Variants in KIFC3 observed in about 807,000 individuals in gnomAD.
The protein encoded by KIFC3 is kinesin family member C3, also known as kinesin-like protein KIFC3.
A neutral mutation model predicts 101.8 loss-of-function variants in KIFC3; 60 were observed. The observed-to-expected ratio is 0.59, with a 90% CI of 0.48 to 0.73. The LOEUF is 0.73. Among genes scored for constraint, KIFC3 ranks in the 30% least tolerant of loss-of-function variants. The pLI is 0.00. For missense variants in KIFC3, 966 were observed against 1,137.1 expected (o/e 0.85, Z 2.16); for synonymous variants, 476 against 482.7 (o/e 0.99, Z 0.18).
intron 13 of KIFC3, among the ~76,000 whole-genome samples, 174 bp from the exon 14 acceptor site, chr16:57,761,710 G>C (rs2049878917): frequency 6.6e-6 from 1 of 152,034 alleles, no homozygotes; most frequent in African/African-American, 2.4e-5. Flanking sequence ...AAGACGTGGA[G>C]ATCTCACTCC....
chr16:57,816,361 C>A, intron 1 of KIFC3: 1 of 897,962 alleles, frequency 1.1e-6, no homozygotes, highest in Non-Finnish European at 1.6e-6. Flanking sequence ...CCCCTCCTGG[C>A]TTCCTCTTGA....
chr16:57,819,133 G>A (rs143961309), intron 1 of KIFC3, among the ~76,000 whole-genome samples: 27 of 151,904 alleles, frequency 1.8e-4, no homozygotes, highest in Non-Finnish European at 2.2e-4. Context: ...GCTCCAGAAC[G>A]GTCCAGTGTC....
intron 1 of KIFC3, among the ~76,000 whole-genome samples, chr16:57,853,497 A>T (rs1178533953): frequency 6.6e-6 from 1 of 152,194 alleles, no homozygotes; most frequent in Non-Finnish European, 1.5e-5. Flanking sequence ...ACAGAAACAA[A>T]ACATAGAGGG....
intron 1 of KIFC3, among the ~76,000 whole-genome samples, chr16:57,830,369 C>T (rs1170446261): frequency 6.6e-6 from 1 of 151,370 alleles, no homozygotes; most frequent in African/African-American, 2.4e-5. Flanking sequence ...TCTAGAGTAG[C>T]TGAGATTACA....
chr16:57,786,810 C>A (rs539837842), intron 3 of KIFC3, among the ~76,000 whole-genome samples: 1 of 152,152 alleles, frequency 6.6e-6, no homozygotes, highest in Non-Finnish European at 1.5e-5. Flanking sequence ...CAAACGGACT[C>A]AGCTGGACAG....
chr16:57,797,629 C>G (rs2054442692), intron 2 of KIFC3: 1 of 1,020,768 alleles, frequency 9.8e-7, no homozygotes. Context: ...GGTCCACTCC[C>G]AACGCCGTCC....
chr16:57,769,544 T>C lies in KIFC3; in HGVS notation c.1218+51A>G. 1 of 1,565,662 alleles carries C rather than the reference T, an allele frequency of 6.4e-7. No individual in the cohort carries two copies. The highest frequency in any genetic ancestry group is 8.6e-7 in the Non-Finnish European group (1 of 1,156,648). On this transcript the variant is annotated intron_variant, in intron 9 of 19. Coordinates refer to ENST00000445690, the MANE Select transcript of KIFC3 (RefSeq NM_001130100.2). The surrounding 1 kb of genome is among the most constrained non-coding windows in gnomAD (Gnocchi z 4.3). ...ACGCCCTGAGTGGATGTCGTGCCTC[T>C]CCCAGTGCACCCCCTTAGCCTGGAC...
chr16:57,772,851 A>G (rs1192474376), intron 3 of KIFC3, among the ~76,000 whole-genome samples: 1 of 152,150 alleles, frequency 6.6e-6, no homozygotes, highest in African/African-American at 2.4e-5. Context: ...CCTGCTCCCA[A>G]TCTGCCTTGC....
intron 1 of KIFC3, among the ~76,000 whole-genome samples, chr16:57,820,782 A>C (rs569191248): frequency 4.6e-5 from 7 of 152,310 alleles, no homozygotes; most frequent in African/African-American, 1.7e-4. Flanking sequence ...GCTTCCACAT[A>C]GGTCTTCAGT....
chr16:57,807,309 C>G (rs951241944), upstream of KIFC3, among the ~76,000 whole-genome samples: 1 of 152,070 alleles, frequency 6.6e-6, no homozygotes, highest in East Asian at 1.9e-4. Flanking sequence ...TGGTTTCCAG[C>G]TTTGCATGTC....
chr16:57,848,965 G>A (rs1035246379), intron 1 of KIFC3, among the ~76,000 whole-genome samples: 4 of 152,036 alleles, frequency 2.6e-5, no homozygotes, highest in East Asian at 1.9e-4. Flanking sequence ...TCTCTTCCCC[G>A]GTTCCACTTA....
chr16:57,816,390 C>T (rs1568081615), intron 1 of KIFC3: 9 of 615,664 alleles, frequency 1.5e-5, no homozygotes, highest in African/African-American at 3.8e-5. Flanking sequence ...TCAGAAGACC[C>T]GCCTTTGGTC....
rs1567339375 is a variant in KIFC3 at position 57,847,255 on chromosome 16, GAA to G, written c.108+15472_108+15473del. Among the ~76,000 whole-genome samples the G allele has an allele frequency of 5.4e-4, 55 of 102,624 alleles. No homozygotes were observed. In the Middle Eastern group the frequency reaches 0.014, roughly 26 times the overall value. 67.3% of individuals were successfully genotyped at this position (102,624 alleles called of 152,430 possible). A position where few individuals can be genotyped will look rare whatever the true frequency, so the allele number is the denominator to read the frequency against. On this transcript the variant is annotated intron_variant, in intron 1 of 2. Coordinates refer to the KIFC3 transcript ENST00000563028. ...GGAAGGAAGGAAGGAAGGAAGGAAG[GAA>G]GGAAGGAAGGAAGGGAAGGGAGGGA...
chr16:57,763,979 G>T (rs537775551), intron 12 of KIFC3, among the ~76,000 whole-genome samples, 164 bp downstream of exon 12: 2 of 152,308 alleles, frequency 1.3e-5, no homozygotes, highest in South Asian at 4.1e-4. Context: ...CCCTCTTAAG[G>T]CCTGGTGCCT....
At position 57,758,779 on chromosome 16, in the gene KIFC3, G is replaced by T; in HGVS notation, c.*155C>A. 8.6e-7 allele frequency: 1 copy of T among 1,161,698 alleles called. No individual in the cohort carries two copies. 72.0% of individuals were successfully genotyped at this position (1,161,698 alleles called of 1,614,324 possible). A position where few individuals can be genotyped will look rare whatever the true frequency, so the allele number is the denominator to read the frequency against. On this transcript the variant is annotated 3_prime_UTR_variant, in exon 20 of 20. Transcript: ENST00000445690. ...TTTCTCATCTTTGAGGGGAGACGGGGCAGAAGAAGAGCCTCCACTCTCGCC... is the reference window on the plus strand; with the variant it reads ...TTTCTCATCTTTGAGGGGAGACGGGTCAGAAGAAGAGCCTCCACTCTCGCC...
At chr16:57,789,886 G>A (rs528393882) in intron 3 of KIFC3, among the ~76,000 whole-genome samples, 4 of 151,438 alleles carry the variant, frequency 2.6e-5, no homozygotes, top group South Asian at 4.2e-4. Flanking sequence ...ACAGATGTGC[G>A]CCATCACACC....
At chr16:57,820,527 A>G (rs1303788789) in intron 1 of KIFC3, among the ~76,000 whole-genome samples, 1 of 151,970 alleles carries the variant, frequency 6.6e-6, no homozygotes, top group Non-Finnish European at 1.5e-5. Flanking sequence ...TGATCCTCCC[A>G]CCTCAGCCTC....
chr16:57,817,438 C>T (rs188807597), intron 1 of KIFC3, among the ~76,000 whole-genome samples: 37 of 152,170 alleles, frequency 2.4e-4, no homozygotes, highest in Non-Finnish European at 4.9e-4. Flanking sequence ...GCCAGAAATC[C>T]AAACCCATGG....
intron 1 of KIFC3, among the ~76,000 whole-genome samples, chr16:57,809,547 T>C (rs1004124091): frequency 7.9e-5 from 12 of 152,294 alleles, no homozygotes; most frequent in African/African-American, 2.9e-4. Context: ...GATATTTGAG[T>C]AGCTCCCATT....
Sources: allele counts gnomAD v4.1 joint callset (sites outside exome capture counted in the v4.1 genomes callset), GRCh38; gene constraint gnomAD v4.1.1; non-coding constraint Gnocchi (gnomAD v3.1); transcripts MANE v1.5; gene names NCBI Gene and HGNC (gene_info 2026-07-23, HGNC 2026-07-21).